ADAMTSL1: variants seen among roughly 807,000 people sequenced by gnomAD.
ADAMTSL1 encodes the protein ADAMTS like 1, also known as ADAMTS-like protein 1.
In ADAMTSL1, 126 loss-of-function variants were observed where a neutral mutation model predicts 201.8. That is an observed-to-expected ratio of 0.62 (90% CI 0.54 to 0.72). ADAMTSL1 has a LOEUF of 0.72. ADAMTSL1 is among the 30% of genes least tolerant of loss of function. The probability of loss-of-function intolerance (pLI) is 0.00; values close to 1 mark genes in which losing one functional copy is unlikely to be tolerated. For missense variants in ADAMTSL1, 2,679 were observed against 2,277.8 expected (o/e 1.18, Z -3.59); for synonymous variants, 1,121 against 903.4 (o/e 1.24, Z -4.32).
chr9:18,762,332 GA>G (rs1254271561), intron 16 of ADAMTSL1, among the ~76,000 whole-genome samples: 9 of 152,110 alleles, frequency 5.9e-5, no homozygotes, highest in African/African-American at 2.2e-4. Flanking sequence ...AGGCTTTAAT[GA>G]AGAAGTGGCC....
At chr9:18,023,351 C>A (rs35338418) in intron 1 of ADAMTSL1, among the ~76,000 whole-genome samples, 3 of 151,794 alleles carry the variant, frequency 2.0e-5, no homozygotes, top group Admixed American at 1.3e-4. Flanking sequence ...GGTCTGGAGA[C>A]CATACCTTGT....
chr9:18,681,537 C>T (rs1830468984), intron 11 of ADAMTSL1: 2 of 213,598 alleles, frequency 9.4e-6, no homozygotes, highest in Non-Finnish European at 1.9e-5. Context: ...TGGTTTGAGA[C>T]TTTGCACACA....
In ADAMTSL1 at chr9:18,693,687, T is replaced by C. The variant is rs141821492; in HGVS notation, c.1574+8887T>C. On this transcript the variant is annotated intron_variant, in intron 13 of 28. Coordinates refer to ENST00000380548, the MANE Select transcript of ADAMTSL1 (RefSeq NM_001040272.6). ...TTATCCTTCTGTTTATCAATCCATT[T>C]ATTTCTTTGAAAAATTATTTATTGA... Among the ~76,000 whole-genome samples the C allele has an allele frequency of 6.6e-5, 10 of 152,372 alleles. 1 individual carries two copies. Among genetic ancestry groups the C allele is most frequent in the Middle Eastern group, 6.8e-3 (2 of 294 alleles).
At chr9:18,353,559 A>G (rs1836072882) in intron 2 of ADAMTSL1, among the ~76,000 whole-genome samples, 1 of 152,202 alleles carries the variant, frequency 6.6e-6, no homozygotes, top group African/African-American at 2.4e-5. Context: ...TCTGACTTTG[A>G]ATTCAAATAT....
At chr9:18,806,533 C>G (rs1470544201) in intron 20 of ADAMTSL1, among the ~76,000 whole-genome samples, 1 of 152,224 alleles carries the variant, frequency 6.6e-6, no homozygotes, top group East Asian at 1.9e-4. Context: ...ACAGTGCTTA[C>G]AATGCTCTCT....
intron 1 of ADAMTSL1, among the ~76,000 whole-genome samples, chr9:18,095,551 C>T (rs1587035016): frequency 6.6e-6 from 1 of 151,322 alleles, no homozygotes; most frequent in African/African-American, 2.4e-5. Context: ...GCTTCCCAAG[C>T]AGCTGGGATT....
intron 2 of ADAMTSL1, among the ~76,000 whole-genome samples, chr9:18,401,413 T>C (rs750648691): frequency 1.3e-5 from 2 of 152,218 alleles, no homozygotes; most frequent in Non-Finnish European, 2.9e-5. Flanking sequence ...CAGCTTAATC[T>C]CTCACTGTTT....
chr9:18,299,601 G>A (rs1833619555), intron 2 of ADAMTSL1, among the ~76,000 whole-genome samples: 1 of 152,150 alleles, frequency 6.6e-6, no homozygotes, highest in South Asian at 2.1e-4. Flanking sequence ...GACAAATAAT[G>A]GGACGTGCTC....
intron 2 of ADAMTSL1, among the ~76,000 whole-genome samples, chr9:18,424,507 G>A (rs1328700752): frequency 6.6e-6 from 1 of 152,042 alleles, no homozygotes; most frequent in Non-Finnish European, 1.5e-5. Flanking sequence ...AAGTACTATG[G>A]GGTAGATAAT....
intron 2 of ADAMTSL1, among the ~76,000 whole-genome samples, chr9:18,457,466 G>C (rs964028159): frequency 1.3e-5 from 2 of 152,092 alleles, no homozygotes; most frequent in African/African-American, 4.8e-5. Context: ...TGAGTGGCTG[G>C]CTAGGACTAC....
intron 23 of ADAMTSL1, among the ~76,000 whole-genome samples, chr9:18,886,649 A>T (rs768685165): frequency 6.6e-6 from 1 of 152,212 alleles, no homozygotes; most frequent in Non-Finnish European, 1.5e-5. Context: ...TGTGTCCCAC[A>T]TGGTGGAAGG....
At chr9:18,494,813 A>C (rs1481025406) in intron 1 of ADAMTSL1, among the ~76,000 whole-genome samples, 2 of 152,178 alleles carry the variant, frequency 1.3e-5, no homozygotes, top group African/African-American at 4.8e-5. Flanking sequence ...AGTTTCTGAG[A>C]GTTCATAGCC....
chr9:18,282,775 T>TA (rs1372574278), intron 2 of ADAMTSL1, among the ~76,000 whole-genome samples: 1 of 152,158 alleles, frequency 6.6e-6, no homozygotes, highest in Admixed American at 6.5e-5. Flanking sequence ...CGCAGGCCTG[T>TA]AATCCCAGCT....
Position 18,892,404 on chromosome 9 carries a change from C to T in ADAMTSL1, c.4659C>T (p.Ser1553=), listed in dbSNP as rs117333000. 134 of 1,613,004 alleles carry T rather than the reference C, an allele frequency of 8.3e-5. 1 individual carries two copies. In the East Asian group the frequency reaches 3.0e-3, roughly 36 times the overall value. ...RDCPSRWMVT[S]WSACTRSCGG... ...CTCTCCCCAGGTGGATGGTGACCTC[C>T]TGGTCTGCCTGTACCCGGAGCTGTG... The change falls in exon 26 of 29, where the codon TCC becomes TCT. Residue 1553 remains serine, a synonymous_variant. Transcript: ENST00000380548.
At chr9:18,785,394 T>C (rs1474411223) in intron 19 of ADAMTSL1, among the ~76,000 whole-genome samples, 1 of 152,222 alleles carries the variant, frequency 6.6e-6, no homozygotes, top group Non-Finnish European at 1.5e-5. Flanking sequence ...GCTTTAAAGA[T>C]AGCCTTTTCT....
At chr9:18,455,355 G>A (rs1820560772) in intron 2 of ADAMTSL1, among the ~76,000 whole-genome samples, 1 of 152,078 alleles carries the variant, frequency 6.6e-6, no homozygotes, top group South Asian at 2.1e-4. Context: ...AAAACCATAT[G>A]TTTTAAATAT....
chr9:18,900,176 A>G lies in ADAMTSL1; in HGVS notation c.4852-5606A>G, dbSNP rs1829922167. 2.0e-5 allele frequency among the ~76,000 whole-genome samples: 3 copies of G among 152,378 alleles called. No individual in the cohort carries two copies. In the South Asian group the frequency reaches 6.2e-4, roughly 32 times the overall value. ...TTCATGTGGCCAACAGTCATATGAA[A>G]AAAAGCTCAACATCACTGATCATTA... is the stretch of plus-strand genomic sequence containing the variant. On this transcript the variant is annotated intron_variant, in intron 26 of 28. Coordinates refer to ENST00000380548, the MANE Select transcript of ADAMTSL1 (RefSeq NM_001040272.6).
intron 1 of ADAMTSL1, among the ~76,000 whole-genome samples, chr9:18,122,248 A>G (rs1421900271): frequency 2.6e-5 from 4 of 152,208 alleles, no homozygotes; most frequent in African/African-American, 7.2e-5. Flanking sequence ...AATAATAGTT[A>G]AAAAGCAGAA....
chr9:18,496,629 T>G (rs1253201802), intron 1 of ADAMTSL1, among the ~76,000 whole-genome samples: 3 of 152,170 alleles, frequency 2.0e-5, no homozygotes, highest in Non-Finnish European at 2.9e-5. Flanking sequence ...ATAATTTGGG[T>G]TTTTTTGCCC....
Sources: gnomAD v4.1 joint callset for allele counts (sites outside exome capture counted in the v4.1 genomes callset) on GRCh38, gnomAD v4.1.1 for gene constraint, MANE v1.5 for transcripts, NCBI Gene and HGNC (gene_info 2026-07-23, HGNC 2026-07-21) for gene names.